Variants in ZNF41 observed in about 807,000 individuals in gnomAD.
ZNF41 encodes the protein zinc finger protein 41.
A neutral mutation model predicts 9.3 loss-of-function variants in ZNF41; 6 were observed. The ratio of observed to expected loss-of-function variants is 0.65; its 90% CI spans 0.35 to 1.28. The LOEUF (loss-of-function observed/expected upper bound fraction) is 1.28. ZNF41 is among the 50% of genes most tolerant of loss of function. The pLI is 0.03. For missense variants in ZNF41, 523 were observed against 585.8 expected (o/e 0.89, Z 1.11); for synonymous variants, 192 against 207.1 (o/e 0.93, Z 0.63).
In ZNF41 at chrX:47,448,794, G is replaced by C. The variant is rs2147474159; in HGVS notation, c.976C>G (p.Pro326Ala). The C allele has an allele frequency of 1.7e-6, 2 of 1,211,672 alleles. No homozygotes were observed. Among genetic ancestry groups the C allele is most frequent in the East Asian group, 5.9e-5 (2 of 33,845 alleles). Residue 326 changes from proline to alanine, a missense_variant, in exon 5 of 5, where the codon CCC becomes GCC. By Grantham distance (27) the Pro-to-Ala change is conservative. Coordinates refer to ENST00000684689, the MANE Select transcript of ZNF41 (RefSeq NM_001324144.2). ...TTCCCACATTGAGTACACAGATAGGGTTTTTCTCCTGTATAAACACTTGGA... is the reference window on the plus strand; with the variant it reads ...TTCCCACATTGAGTACACAGATAGGCTTTTTCTCCTGTATAAACACTTGGA... ...VHPSVYTGEK[P>A]YLCTQCGKVF...
intron 1 of ZNF41, among the ~76,000 whole-genome samples, chrX:47,476,485 A>G (rs1915931530): frequency 8.9e-6 from 1 of 112,092 alleles, no homozygotes; most frequent in South Asian, 3.7e-4. Context: ...TACAAAGACA[A>G]TTCAATTTAA....
rs1014182964 is a variant in ZNF41 at position 47,446,351 on chromosome X, G to A, written c.*1079C>T. The A allele has an allele frequency of 9.0e-6, 1 of 111,268 alleles. No individual in the cohort carries two copies. Among genetic ancestry groups the A allele is most frequent in the Non-Finnish European group, 1.9e-5 (1 of 53,064 alleles). The allele number at this position is 111,268 out of a possible 1,213,427, so 9.2% of individuals were successfully genotyped here. The stretch of plus-strand genomic sequence containing the variant: ...CAATGCAACATGACTTTATCACATA[G>A]CAGTCTACACAAAACTACCCTTAAT... On this transcript the variant is annotated 3_prime_UTR_variant, in exon 5 of 5. Transcript: ENST00000684689.
chrX:47,480,837 T>A (rs1013593497), intron 1 of ZNF41, among the ~76,000 whole-genome samples: 2 of 104,789 alleles, frequency 1.9e-5, no homozygotes, highest in African/African-American at 7.0e-5. Flanking sequence ...TGGGGTAAAT[T>A]AAAAAAAAAT....
Position 47,469,409 on chromosome X carries a change from A to C in ZNF41, c.-279-1649T>G, listed in dbSNP as rs753328887. Among the ~76,000 whole-genome samples, 21 of 109,554 alleles carry C rather than the reference A, an allele frequency of 1.9e-4. 1 individual carries two copies. Among genetic ancestry groups the C allele is most frequent in the Admixed American group, 1.4e-3 (14 of 10,099 alleles). ...GCCAATATTCCAATCTCAGGAGAACACTCAAGGGAATAGTCTAAACAATGG... is the reference window on the plus strand; with the variant it reads ...GCCAATATTCCAATCTCAGGAGAACCCTCAAGGGAATAGTCTAAACAATGG... On this transcript the variant is annotated intron_variant, in intron 1 of 4. Transcript: ENST00000684689.
intron 4 of ZNF41, among the ~76,000 whole-genome samples, chrX:47,451,909 T>G (rs2056384380): frequency 8.9e-6 from 1 of 112,074 alleles, no homozygotes; most frequent in South Asian, 3.7e-4. Context: ...AAATATCCCA[T>G]GTACCCCATA....
chrX:47,463,945 C>T (rs1243706693), intron 2 of ZNF41, among the ~76,000 whole-genome samples: 1 of 111,619 alleles, frequency 9.0e-6, no homozygotes, highest in Non-Finnish European at 1.9e-5. Context: ...TGCCTGTGCC[C>T]TCAAGCTCTC....
Position 47,455,168 on chromosome X carries a change from C to T in ZNF41, c.295+753G>A, listed in dbSNP as rs368735179. On this transcript the variant is annotated intron_variant, in intron 4 of 4. Transcript: ENST00000684689. Reference sequence around the variant, plus strand: ...GCTGAGGCAGGAGAATCGCTTGAACCTGGGAGGCAGAAGTTGCAGTGAAAC... The same window carrying T: ...GCTGAGGCAGGAGAATCGCTTGAACTTGGGAGGCAGAAGTTGCAGTGAAAC... 7.3e-5 allele frequency among the ~76,000 whole-genome samples: 8 copies of T among 110,131 alleles called. No individual in the cohort carries two copies. In the South Asian group the frequency reaches 1.5e-3, roughly 21 times the overall value.
chrX:47,466,906 A>G (rs911809931), intron 2 of ZNF41, among the ~76,000 whole-genome samples: 5 of 111,773 alleles, frequency 4.5e-5, no homozygotes, highest in Non-Finnish European at 7.5e-5. Flanking sequence ...CTAAGTTCCA[A>G]AGAAAAAGGA....
chrX:47,455,840 G>T, intron 4 of ZNF41, 81 bp downstream of exon 4: 2 of 917,623 alleles, frequency 2.2e-6, no homozygotes, highest in Non-Finnish European at 3.2e-6. Context: ...TATCTTCAGA[G>T]TGTTTCAAAG....
chrX:47,478,100 A>G (rs2057383623), intron 1 of ZNF41, among the ~76,000 whole-genome samples: 1 of 112,384 alleles, frequency 8.9e-6, no homozygotes, highest in Non-Finnish European at 1.9e-5. Context: ...GGAGGGGGTA[A>G]TAAGAAGTTG....
chrX:47,470,796 A>T (rs1447856059), intron 1 of ZNF41, among the ~76,000 whole-genome samples: 1 of 111,277 alleles, frequency 9.0e-6, no homozygotes, highest in African/African-American at 3.3e-5. Context: ...AGGAGGCATA[A>T]AATCAAGTAT....
intron 4 of ZNF41, among the ~76,000 whole-genome samples, chrX:47,455,146 G>A (rs957599906): frequency 3.2e-4 from 35 of 110,749 alleles, no homozygotes; most frequent in African/African-American, 1.1e-3. Context: ...TAGGGAGGCT[G>A]AGGCAGGAGA....
rs1219568546 is a variant in ZNF41 at position 47,467,501 on chromosome X, C to T, written c.-20G>A. The T allele has an allele frequency of 8.5e-7, 1 of 1,177,083 alleles. No individual in the cohort carries two copies. Among genetic ancestry groups the T allele is most frequent in the Non-Finnish European group, 1.1e-6 (1 of 877,015 alleles). On this transcript the variant is annotated 5_prime_UTR_variant, in exon 2 of 5. Transcript: ENST00000684689. The stretch of plus-strand genomic sequence containing the variant: ...TGCCATGTTCACGCTGGGCCTCAGC[C>T]CTCAGGCTCTCCTGCTGACAACCCC...
chrX:47,470,806 T>A (rs931633272), intron 1 of ZNF41, among the ~76,000 whole-genome samples: 26 of 110,272 alleles, frequency 2.4e-4, no homozygotes, highest in African/African-American at 7.5e-4. Flanking sequence ...AAATCAAGTA[T>A]GTTATAATGC....
At chrX:47,455,016 C>T (rs961438311) in intron 4 of ZNF41, among the ~76,000 whole-genome samples, 3 of 110,119 alleles carry the variant, frequency 2.7e-5, no homozygotes, top group Non-Finnish European at 3.8e-5. Context: ...GAGGCTGAGG[C>T]GGGCAGATCA....
intron 1 of ZNF41, among the ~76,000 whole-genome samples, chrX:47,470,072 T>A (rs1175359375): frequency 9.0e-6 from 1 of 110,690 alleles, no homozygotes; most frequent in Non-Finnish European, 1.9e-5. Context: ...ATAATCAAAA[T>A]TCCAAACAAT....
At chrX:47,475,412 A>T (rs971422865) in intron 1 of ZNF41, among the ~76,000 whole-genome samples, 3 of 111,608 alleles carry the variant, frequency 2.7e-5, no homozygotes, top group African/African-American at 6.5e-5. Context: ...AAAAGGCATC[A>T]GTTCTAAATG....
At chrX:47,482,768 C>T (rs945375290) in intron 1 of ZNF41, 4 of 113,148 alleles carry the variant, frequency 3.5e-5, no homozygotes, top group Non-Finnish European at 7.5e-5. Flanking sequence ...ACTCGATATA[C>T]CCCTGTGGGA....
At position 47,458,901 on chromosome X, in the gene ZNF41, C is replaced by T. The variant is rs775212280; in HGVS notation, c.73-2503G>A. Among the ~76,000 whole-genome samples, 255 of 109,157 alleles carry T rather than the reference C, an allele frequency of 2.3e-3. 1 individual carries two copies. Among genetic ancestry groups the T allele is most frequent in the African/African-American group, 8.0e-3 (242 of 30,120 alleles). The allele number at this position is 109,157 out of a possible 115,157, so 94.8% of individuals were successfully genotyped here. A position where few individuals can be genotyped will look rare whatever the true frequency, so the allele number is the denominator to read the frequency against. ...CCTCCTAAAGCACTGGGATTGTAGGCGTGAGCCACTGTGCCCGGCCTGCCA... is the reference window on the plus strand; with the variant it reads ...CCTCCTAAAGCACTGGGATTGTAGGTGTGAGCCACTGTGCCCGGCCTGCCA... On this transcript the variant is annotated intron_variant, in intron 2 of 4. Transcript: ENST00000684689.
Sources: allele counts gnomAD v4.1 joint callset (sites outside exome capture counted in the v4.1 genomes callset), GRCh38; gene constraint gnomAD v4.1.1; transcripts MANE v1.5; gene names NCBI Gene and HGNC (gene_info 2026-07-23, HGNC 2026-07-21).